Variants in FBXW4 observed in about 807,000 individuals in gnomAD.
FBXW4 encodes F-box and WD repeat domain containing 4.
A neutral mutation model predicts 61.8 loss-of-function variants in FBXW4; 40 were observed. The ratio of observed to expected loss-of-function variants is 0.65; its 90% CI spans 0.50 to 0.84. The LOEUF is 0.84. Ranked by LOEUF, FBXW4 falls within the 40% of genes least tolerant of loss-of-function variation. FBXW4 has a pLI of 0.00. For missense variants in FBXW4, 672 were observed against 753.8 expected, an observed-to-expected ratio of 0.89 and a Z score of 1.27; for synonymous variants, 311 against 313.8, an observed-to-expected ratio of 0.99 and a Z score of 0.10.
intron 3 of FBXW4, 102 bp downstream of exon 3, chr10:101,673,386 C>T (rs2064376458): frequency 1.5e-6 from 2 of 1,335,666 alleles, no homozygotes; most frequent in South Asian, 1.3e-5. Flanking sequence ...TCTGGTCTCC[C>T]TCCTCATCCC....
chr10:101,621,034 C>T (rs1385420920), intron 6 of FBXW4, among the ~76,000 whole-genome samples: 2 of 152,188 alleles, frequency 1.3e-5, no homozygotes, highest in African/African-American at 2.4e-5. Context: ...GCCCGCCACC[C>T]GGCTTGTGTG....
chr10:101,653,877 C>T (rs369413233), intron 5 of FBXW4, among the ~76,000 whole-genome samples: 50 of 152,168 alleles, frequency 3.3e-4, no homozygotes, highest in Middle Eastern at 3.4e-3. Context: ...AATCCCAGCA[C>T]TTTAGGAGGC....
In FBXW4 at chr10:101,624,093, C is replaced by CAG. The variant is rs1413944173; in HGVS notation, c.1301+651_1301+652insCT. Among the ~76,000 whole-genome samples, 5 of 62,390 alleles carry CAG rather than the reference C, an allele frequency of 8.0e-5. No homozygotes were observed. The East Asian group carries it at 1.2e-3, about 15-fold the overall frequency. The allele number at this position is 62,390 out of a possible 152,430, so 40.9% of individuals were successfully genotyped here. A position where few individuals can be genotyped will look rare whatever the true frequency, so the allele number is the denominator to read the frequency against. On this transcript the variant is annotated intron_variant, in intron 6 of 8. Coordinates refer to ENST00000331272, the MANE Select transcript of FBXW4 (RefSeq NM_022039.4). ...CTAGACACACATAGACACAGACAGA[C>CAG]ACACACACACACACACACACACACA...
At chr10:101,692,031 C>T (rs1328468214) in intron 1 of FBXW4, among the ~76,000 whole-genome samples, 1 of 151,570 alleles carries the variant, frequency 6.6e-6, no homozygotes, top group Non-Finnish European at 1.5e-5. Flanking sequence ...AGTGCAACAA[C>T]AGATATGTAA....
At chr10:101,631,563 T>G (rs1465119187) in intron 5 of FBXW4, among the ~76,000 whole-genome samples, 1 of 152,170 alleles carries the variant, frequency 6.6e-6, no homozygotes, top group African/African-American at 2.4e-5. Flanking sequence ...TTTTAAATTT[T>G]CTTCATTTTC....
intron 6 of FBXW4, among the ~76,000 whole-genome samples, chr10:101,622,426 A>G (rs916500958): frequency 2.0e-5 from 3 of 152,184 alleles, no homozygotes; most frequent in Admixed American, 6.5e-5. Context: ...AGACCCTGTT[A>G]AGAGGATAAA....
intron 2 of FBXW4, among the ~76,000 whole-genome samples, chr10:101,675,028 G>A (rs1317678889): frequency 6.6e-6 from 1 of 152,202 alleles, no homozygotes; most frequent in African/African-American, 2.4e-5. Context: ...AAACTGGGCT[G>A]TGTTTCTTCC....
chr10:101,653,370 T>C (rs1391973575), intron 5 of FBXW4, among the ~76,000 whole-genome samples: 1 of 152,176 alleles, frequency 6.6e-6, no homozygotes, highest in Non-Finnish European at 1.5e-5. Flanking sequence ...AGTTCCCTAT[T>C]TTCCTCAAGT....
chr10:101,616,191 G>A (rs1314894713), intron 6 of FBXW4, among the ~76,000 whole-genome samples: 1 of 152,204 alleles, frequency 6.6e-6, no homozygotes, highest in East Asian at 1.9e-4. Context: ...GGAGGGAAGG[G>A]TGACAAAAGA....
At chr10:101,614,548 G>C (rs2063812129) in intron 6 of FBXW4, among the ~76,000 whole-genome samples, 1 of 152,228 alleles carries the variant, frequency 6.6e-6, no homozygotes, top group Non-Finnish European at 1.5e-5. Context: ...CAAGGGCCCA[G>C]TGAGCACCAG....
intron 5 of FBXW4, among the ~76,000 whole-genome samples, chr10:101,630,259 G>A (rs2063940890): frequency 6.6e-6 from 1 of 152,170 alleles, no homozygotes; most frequent in Non-Finnish European, 1.5e-5. Context: ...ACTCCAATTA[G>A]TCAGGCTCCA....
At chr10:101,677,054 T>A (rs573516828) in intron 1 of FBXW4, among the ~76,000 whole-genome samples, 102 of 152,348 alleles carry the variant, frequency 6.7e-4, no homozygotes, top group Non-Finnish European at 1.4e-3. Flanking sequence ...TTTGTATTTG[T>A]TCATATATTT....
chr10:101,626,444 C>G (rs777142059), intron 5 of FBXW4: 1 of 152,680 alleles, frequency 6.5e-6, no homozygotes, highest in Non-Finnish European at 1.5e-5. Flanking sequence ...ATTGGACTCT[C>G]CAGATTTGAG....
intron 5 of FBXW4, among the ~76,000 whole-genome samples, chr10:101,630,544 C>T (rs775524382): frequency 8.5e-5 from 13 of 152,182 alleles, no homozygotes; most frequent in Admixed American, 2.0e-4. Flanking sequence ...TGCTAACCTC[C>T]GCCACTGACA....
chr10:101,642,860 C>G (rs1166380463), intron 5 of FBXW4, among the ~76,000 whole-genome samples: 1 of 152,180 alleles, frequency 6.6e-6, no homozygotes, highest in Non-Finnish European at 1.5e-5. Flanking sequence ...TTTAAAGTGC[C>G]AAGATTTAGG....
In FBXW4 at chr10:101,694,849, T is replaced by C; in HGVS notation, c.257A>G (p.Glu86Gly). ...GARACPREEA[E>G]GGRSVEEGAR... ...CCCTTCCTCCACGCTTCTGCCTCCC[T>C]CTGCTTCCTCCCTTGGGCATGCCCT... Residue 86 changes from glutamate to glycine, a missense_variant, in exon 1 of 9, where the codon GAG becomes GGG. Transcript: ENST00000331272. This position sits in a 1 kb window ranked among gnomAD's most constrained non-coding sequence, Gnocchi z 6.0. 7.8e-7 allele frequency: 1 copy of C among 1,281,702 alleles called. No individual in the cohort carries two copies. Among genetic ancestry groups the C allele is most frequent in the South Asian group, 2.6e-5 (1 of 37,938 alleles). The allele number at this position is 1,281,702 out of a possible 1,614,324, so 79.4% of individuals were successfully genotyped here.
intron 5 of FBXW4, chr10:101,625,101 G>C (rs1393103880): frequency 2.3e-6 from 1 of 431,954 alleles, no homozygotes; most frequent in Non-Finnish European, 4.3e-6. Flanking sequence ...CAGATCTCTA[G>C]ACGTGACAAG....
chr10:101,643,131 G>A lies in FBXW4; in HGVS notation c.1236-18321C>T, dbSNP rs577935610. 2.8e-4 allele frequency among the ~76,000 whole-genome samples: 42 copies of A among 152,310 alleles called. 1 individual carries two copies. The South Asian group carries it at 7.9e-3, about 29-fold the overall frequency. On this transcript the variant is annotated intron_variant, in intron 5 of 8. Transcript: ENST00000331272. ...CTAGAGACCAAGAAAGCATGTGTCC[G>A]CCCAGGCCACTGATTCCTTTACTGC... is the stretch of plus-strand genomic sequence containing the variant.
Position 101,694,968 on chromosome 10 carries a change from T to C in FBXW4, c.138A>G (p.Arg46=). ...RRKGKGKGKA[R]AGQGGRGSGA... is the part of the protein sequence containing the mutation. ...CGCTTCCTCTTCCGCCTTGCCCCGCTCTCGCTTTTCCCTTCCCCTTCCCCT... is the reference window on the plus strand; with the variant it reads ...CGCTTCCTCTTCCGCCTTGCCCCGCCCTCGCTTTTCCCTTCCCCTTCCCCT... Residue 46 remains arginine, a synonymous_variant, in exon 1 of 9, where the codon AGA becomes AGG. Transcript: ENST00000331272. This position sits in a 1 kb window ranked among gnomAD's most constrained non-coding sequence, Gnocchi z 6.0. 6.7e-6 allele frequency: 8 copies of C among 1,200,034 alleles called. No individual in the cohort carries two copies. The highest frequency in any genetic ancestry group is 8.3e-6 in the Non-Finnish European group (8 of 966,910). The allele number at this position is 1,200,034 out of a possible 1,614,324, so 74.3% of individuals were successfully genotyped here. A position where few individuals can be genotyped will look rare whatever the true frequency, so the allele number is the denominator to read the frequency against.
Sources: gnomAD v4.1 joint callset for allele counts (sites outside exome capture counted in the v4.1 genomes callset) on GRCh38, gnomAD v4.1.1 for gene constraint, Gnocchi (gnomAD v3.1) non-coding constraint, MANE v1.5 for transcripts, NCBI Gene and HGNC (gene_info 2026-07-23, HGNC 2026-07-21) for gene names.